The following NRXN1 variants were observed in gnomAD, a reference collection of about 807,000 sequenced individuals.
NRXN1 encodes the protein neurexin-1.
A neutral mutation model predicts 150.9 loss-of-function variants in NRXN1; 39 were observed. The ratio of observed to expected loss-of-function variants is 0.26; its 90% confidence interval spans 0.20 to 0.34. The LOEUF is 0.34. Among genes scored for constraint, NRXN1 ranks in the 10% least tolerant of loss-of-function variants. The pLI is 1.00. For missense variants in NRXN1, 1,815 were observed against 1,949.9 expected (o/e 0.93, Z 1.30); for synonymous variants, 924 against 757.0 (o/e 1.22, Z -3.62).
chr2:50,055,115 G>C, intron 19 of NRXN1, 71 bp from the exon 20 acceptor site: 1 of 1,044,308 alleles, frequency 9.6e-7, no homozygotes, highest in Non-Finnish European at 1.4e-6. Flanking sequence ...AATACTTAAA[G>C]ATTGAGCTAT....
At chr2:50,143,707 G>A (rs947146935) in intron 18 of NRXN1, among the ~76,000 whole-genome samples, 1 of 151,722 alleles carries the variant, frequency 6.6e-6, no homozygotes, top group African/African-American at 2.4e-5. Context: ...CCATAGTCTG[G>A]CTTTACCCTA....
At chr2:50,590,899 A>G (rs889622448) in intron 8 of NRXN1, among the ~76,000 whole-genome samples, 7 of 152,148 alleles carry the variant, frequency 4.6e-5, no homozygotes, top group African/African-American at 1.7e-4. Flanking sequence ...AACATACTCT[A>G]AATACTCTCA....
At chr2:50,091,263 G>T (rs1426138773) in intron 19 of NRXN1, 60 bp downstream of exon 19, 23 of 1,579,218 alleles carry the variant, frequency 1.5e-5, no homozygotes, top group Non-Finnish European at 1.9e-5. Context: ...GCAAAACAGT[G>T]CTTTTTCTTC....
At chr2:50,514,258 G>T (rs1024248438) in intron 12 of NRXN1, among the ~76,000 whole-genome samples, 4 of 152,008 alleles carry the variant, frequency 2.6e-5, no homozygotes, top group Admixed American at 2.6e-4. Context: ...GTATAAATTG[G>T]TTCTATATTT....
chr2:50,595,699 G>A (rs757631243), intron 8 of NRXN1, among the ~76,000 whole-genome samples: 3 of 152,142 alleles, frequency 2.0e-5, no homozygotes, highest in Non-Finnish European at 4.4e-5. Flanking sequence ...CATATCACTT[G>A]TAATTCTGCC....
intron 5 of NRXN1, among the ~76,000 whole-genome samples, chr2:50,774,533 AAAT>A (rs1415747057): frequency 6.6e-6 from 1 of 152,184 alleles, no homozygotes; most frequent in African/African-American, 2.4e-5. Flanking sequence ...ATGTTTTATA[AAAT>A]AATGTTCATG....
At chr2:50,179,122 T>G (rs535028503) in intron 18 of NRXN1, among the ~76,000 whole-genome samples, 1 of 152,252 alleles carries the variant, frequency 6.6e-6, no homozygotes, top group South Asian at 2.1e-4. Context: ...AAAAGTAGCT[T>G]TAGAAATAAG....
intron 17 of NRXN1, among the ~76,000 whole-genome samples, chr2:50,245,709 A>C (rs1355219403): frequency 6.6e-6 from 1 of 151,888 alleles, no homozygotes; most frequent in East Asian, 1.9e-4. Flanking sequence ...TCAAGAGTCA[A>C]GAATTTTCTT....
chr2:50,219,964 TATATATATATAATATATATATTATATATA>T (rs2063726742), intron 18 of NRXN1, among the ~76,000 whole-genome samples: 1 of 83,786 alleles, frequency 1.2e-5, no homozygotes, highest in Non-Finnish European at 2.1e-5. Flanking sequence ...ATATATATAT[TATATATATATAATATATATATTATATATA>T]ATATATATTA....
chr2:49,996,885 G>A (rs1466260642), intron 21 of NRXN1, among the ~76,000 whole-genome samples: 2 of 152,116 alleles, frequency 1.3e-5, no homozygotes, highest in Non-Finnish European at 2.9e-5. Flanking sequence ...AGAGTGGAAT[G>A]TTTTGAATAT....
chr2:50,683,875 T>A (rs555173705), intron 5 of NRXN1, among the ~76,000 whole-genome samples: 1 of 151,200 alleles, frequency 6.6e-6, no homozygotes, highest in South Asian at 2.1e-4. Flanking sequence ...TGTATTATTT[T>A]CAAAATGGTA....
chr2:50,933,882 A>C (rs1688138020), intron 2 of NRXN1, among the ~76,000 whole-genome samples: 1 of 152,168 alleles, frequency 6.6e-6, no homozygotes, highest in African/African-American at 2.4e-5. Context: ...AATTCAGAGA[A>C]GTTCACTTTA....
At chr2:49,943,679 G>A (rs772415317) in intron 22 of NRXN1, 25 bp downstream of exon 22, 1 of 1,517,742 alleles carries the variant, frequency 6.6e-7, no homozygotes. Flanking sequence ...TAAAGCCAAG[G>A]AAGTAAGAAA....
chr2:50,370,792 A>T (rs1558614514), intron 17 of NRXN1, among the ~76,000 whole-genome samples: 1 of 151,996 alleles, frequency 6.6e-6, no homozygotes, highest in African/African-American at 2.4e-5. Context: ...CACGAATTCA[A>T]AAGTGCTAAT....
intron 16 of NRXN1, among the ~76,000 whole-genome samples, chr2:50,469,787 T>G (rs1307367669): frequency 1.3e-5 from 2 of 150,932 alleles, no homozygotes; most frequent in East Asian, 3.9e-4. Flanking sequence ...GTGAAAATTA[T>G]AAAAGCTCAG....
intron 19 of NRXN1, among the ~76,000 whole-genome samples, chr2:50,065,207 C>G (rs79788722): frequency 0.017 from 2,634 of 152,108 alleles, 79 homozygotes; most frequent in African/African-American, 0.06. Context: ...TTGTTTAATG[C>G]TGATATTGAT....
At chr2:50,149,542 ATAAT>A (rs1432578886) in intron 18 of NRXN1, among the ~76,000 whole-genome samples, 1 of 151,706 alleles carries the variant, frequency 6.6e-6, no homozygotes, top group African/African-American at 2.4e-5. Flanking sequence ...CCTCAGCAAA[ATAAT>A]TCGAATTCAT....
chr2:50,595,089 G>A (rs563117400), intron 8 of NRXN1, among the ~76,000 whole-genome samples: 1 of 143,370 alleles, frequency 7.0e-6, no homozygotes, highest in South Asian at 2.4e-4. Flanking sequence ...GGTATGTTGG[G>A]GTGCACAAAC....
intron 8 of NRXN1, among the ~76,000 whole-genome samples, chr2:50,602,712 G>A (rs998457130): frequency 2.0e-5 from 3 of 151,990 alleles, no homozygotes; most frequent in Admixed American, 2.0e-4. Context: ...AAGGGAACAT[G>A]TATTCTGGCA....
Sources: gnomAD v4.1 joint callset for allele counts (sites outside exome capture counted in the v4.1 genomes callset) on GRCh38, gnomAD v4.1.1 for gene constraint, MANE v1.5 for transcripts, NCBI Gene and HGNC (gene_info 2026-07-23, HGNC 2026-07-21) for gene names.